PSMF1: variants seen among roughly 807,000 people sequenced by gnomAD.
PSMF1 encodes the protein proteasome inhibitor PI31 subunit.
PSMF1 carries 30 observed loss-of-function variants against 29.3 expected under a neutral mutation model. The ratio of observed to expected loss-of-function variants is 1.02; its 90% CI spans 0.77 to 1.39. The LOEUF is 1.39. Ranked by LOEUF, PSMF1 falls within the 40% of genes most tolerant of loss-of-function variation. The pLI, the probability that PSMF1 is intolerant of heterozygous loss-of-function variation, is 0.00. For missense variants in PSMF1, 344 were observed against 357.5 expected (o/e 0.96, Z 0.31); for synonymous variants, 134 against 139.7 (o/e 0.96, Z 0.29).
At chr20:1,143,383 G>C (rs1218290204) in intron 4 of PSMF1, among the ~76,000 whole-genome samples, 3 of 152,206 alleles carry the variant, frequency 2.0e-5, no homozygotes, top group Non-Finnish European at 2.9e-5. Context: ...CAAGTCAATG[G>C]AGGAAAGAAT....
chr20:1,158,647 C>G (rs1459997486), intron 4 of PSMF1, among the ~76,000 whole-genome samples: 1 of 152,212 alleles, frequency 6.6e-6, no homozygotes, highest in African/African-American at 2.4e-5. Context: ...CTTAAAGAGG[C>G]TGCTTTTGCA....
In PSMF1 at chr20:1,125,490, C is replaced by T; in HGVS notation, c.130-8C>T. 1.3e-6 allele frequency: 2 copies of T among 1,597,386 alleles called. No homozygotes were observed. Among genetic ancestry groups the T allele is most frequent in the South Asian group, 1.1e-5 (1 of 88,438 alleles). On this transcript the variant is annotated splice_region_variant and splice_polypyrimidine_tract_variant and intron_variant, in intron 1 of 6. Transcript: ENST00000335877. ...TGATCTTTCTCCTCTCAACTGTGGT[C>T]TTCCCAGCCGGGTCCCAATGATAAG...
Position 1,166,414 on chromosome 20 carries a change from T to C in PSMF1, c.*1334T>C, listed in dbSNP as rs1336430590. 6.2e-6 allele frequency: 5 copies of C among 812,848 alleles called. No homozygotes were observed. Among genetic ancestry groups the C allele is most frequent in the Middle Eastern group, 2.2e-4 (1 of 4,470 alleles). 50.4% of individuals were successfully genotyped at this position (812,848 alleles called of 1,614,324 possible). On this transcript the variant is annotated 3_prime_UTR_variant, in exon 7 of 7. Coordinates refer to ENST00000335877, the MANE Select transcript of PSMF1 (RefSeq NM_006814.5). ...ATTCCTTCCCCTAAATTAGGACCTATTATTTACCTGTAGGTAAGCAAGCTA... is the reference window on the plus strand; with the variant it reads ...ATTCCTTCCCCTAAATTAGGACCTACTATTTACCTGTAGGTAAGCAAGCTA...
chr20:1,122,987 C>T (rs1167219342), intron 1 of PSMF1, among the ~76,000 whole-genome samples: 1 of 152,164 alleles, frequency 6.6e-6, no homozygotes, highest in Non-Finnish European at 1.5e-5. Context: ...TTCCTGGCTT[C>T]CAAAGTAAAC....
intron 1 of PSMF1, among the ~76,000 whole-genome samples, chr20:1,119,488 T>C (rs536773581): frequency 6.6e-6 from 1 of 152,266 alleles, no homozygotes; most frequent in African/African-American, 2.4e-5. Context: ...CACTCGCTAC[T>C]GCCATCCCCA....
rs999516948 is a variant in PSMF1, at chr20:1,163,073, T to C, written c.552-57T>C. ...CTGTGAGTGTGTTTGTGATCCCACA[T>C]GTATCAGGTGCCTGGCTGCTCTGGG... On this transcript the variant is annotated intron_variant, in intron 4 of 6. Transcript: ENST00000335877. This position sits in a 1 kb window ranked among gnomAD's most constrained non-coding sequence, Gnocchi z 6.1. 7.6e-6 allele frequency: 12 copies of C among 1,582,314 alleles called. No individual in the cohort carries two copies. Among genetic ancestry groups the C allele is most frequent in the Admixed American group, 1.7e-5 (1 of 59,240 alleles).
At chr20:1,135,045 G>T in intron 3 of PSMF1, 76 bp from the exon 4 acceptor site, 1 of 1,507,000 alleles carries the variant, frequency 6.6e-7, no homozygotes, top group Non-Finnish European at 9.2e-7. Flanking sequence ...CGCCGCCGCC[G>T]TCGTTGCAGC....
intron 3 of PSMF1, among the ~76,000 whole-genome samples, chr20:1,132,063 G>C (rs534365073): frequency 6.6e-6 from 1 of 152,094 alleles, no homozygotes; most frequent in Non-Finnish European, 1.5e-5. Flanking sequence ...AAAATCAGTT[G>C]TCTGTACATC....
chr20:1,138,265 C>T (rs1281575876), intron 4 of PSMF1, among the ~76,000 whole-genome samples: 2 of 152,156 alleles, frequency 1.3e-5, no homozygotes, highest in Non-Finnish European at 2.9e-5. Flanking sequence ...AATCCAGCAA[C>T]ATATACAAAG....
At position 1,165,560 on chromosome 20, in the gene PSMF1, C is replaced by G. The variant is rs960824588; in HGVS notation, c.*480C>G. 2.0e-5 allele frequency: 20 copies of G among 995,612 alleles called. No individual in the cohort carries two copies. The South Asian group carries it at 5.8e-4, about 29-fold the overall frequency. 61.7% of individuals were successfully genotyped at this position (995,612 alleles called of 1,614,324 possible). A position where few individuals can be genotyped will look rare whatever the true frequency, so the allele number is the denominator to read the frequency against. On this transcript the variant is annotated 3_prime_UTR_variant, in exon 7 of 7. Coordinates refer to ENST00000335877, the MANE Select transcript of PSMF1 (RefSeq NM_006814.5). ...TGAGTTTCTGTAGGGCTGAATGACT[C>G]TTTTTCCTGCCCAGGGCCCATTCTT...
chr20:1,126,006 C>T, intron 2 of PSMF1: 1 of 463,054 alleles, frequency 2.2e-6, no homozygotes. Context: ...TTGCACTTTA[C>T]ATTTCCTATG....
At chr20:1,143,902 C>A (rs1247200910) in intron 4 of PSMF1, among the ~76,000 whole-genome samples, 1 of 152,040 alleles carries the variant, frequency 6.6e-6, no homozygotes, top group Non-Finnish European at 1.5e-5. Flanking sequence ...ATCAGCCTGG[C>A]CAACATGGTG....
chr20:1,151,793 T>C (rs2122570977), intron 4 of PSMF1, among the ~76,000 whole-genome samples: 1 of 152,342 alleles, frequency 6.6e-6, no homozygotes, highest in East Asian at 1.9e-4. Flanking sequence ...TGATGCCTGA[T>C]GAGCTAAATT....
intron 4 of PSMF1, among the ~76,000 whole-genome samples, chr20:1,142,482 CATT>C (rs2086396147): frequency 6.6e-6 from 1 of 150,900 alleles, no homozygotes; most frequent in African/African-American, 2.4e-5. Flanking sequence ...CAAGTGTTCT[CATT>C]GTTCAATTCC....
Position 1,164,948 on chromosome 20 carries a change from C to G in PSMF1, c.765-81C>G. 1 of 1,204,612 alleles carries G rather than the reference C, an allele frequency of 8.3e-7. No homozygotes were observed. Among genetic ancestry groups the G allele is most frequent in the Non-Finnish European group, 1.2e-6 (1 of 812,092 alleles). The allele number at this position is 1,204,612 out of a possible 1,614,324, so 74.6% of individuals were successfully genotyped here. On this transcript the variant is annotated intron_variant, in intron 6 of 6. Coordinates refer to ENST00000335877, the MANE Select transcript of PSMF1 (RefSeq NM_006814.5). The surrounding 1 kb of genome is among the most constrained non-coding windows in gnomAD (Gnocchi z 4.1). ...GCCACATCATGTTGAAGGGCAGGCT[C>G]CCTCAGTGCAGGGTCATGTCTGCCC...
At chr20:1,153,826 A>G (rs2086561535) in intron 4 of PSMF1, among the ~76,000 whole-genome samples, 1 of 152,210 alleles carries the variant, frequency 6.6e-6, no homozygotes, top group Non-Finnish European at 1.5e-5. Context: ...TCCTGAGCAC[A>G]ACTCCTTTCA....
chr20:1,113,792 A>T (rs1225231823), upstream of PSMF1, among the ~76,000 whole-genome samples: 1 of 151,988 alleles, frequency 6.6e-6, no homozygotes, highest in Non-Finnish European at 1.5e-5. Context: ...TCTCGGGTTC[A>T]CGCCATTCTC....
rs941462902 is a variant in PSMF1 at position 1,170,959 on chromosome 20, A to G, written c.*5879A>G. 6.6e-6 allele frequency among the ~76,000 whole-genome samples: 1 copy of G among 151,860 alleles called. No homozygotes were observed. Among genetic ancestry groups the G allele is most frequent in the Non-Finnish European group, 1.5e-5 (1 of 67,984 alleles). ...TGGCATTAGTTGAGATGCTGCACCT[A>G]CCCCCTGGGGTGGCAGAACCGTGAT... On this transcript the variant is annotated 3_prime_UTR_variant, in exon 7 of 7. Coordinates refer to ENST00000335877, the MANE Select transcript of PSMF1 (RefSeq NM_006814.5).
intron 1 of PSMF1, among the ~76,000 whole-genome samples, chr20:1,119,879 A>G (rs891900805): frequency 6.6e-6 from 1 of 151,670 alleles, no homozygotes; most frequent in African/African-American, 2.4e-5. Flanking sequence ...GAAACAGACC[A>G]CCCCACCTAT....
Sources: gnomAD v4.1 joint callset for allele counts (sites outside exome capture counted in the v4.1 genomes callset) on GRCh38, gnomAD v4.1.1 for gene constraint, Gnocchi (gnomAD v3.1) non-coding constraint, MANE v1.5 for transcripts, NCBI Gene and HGNC (gene_info 2026-07-23, HGNC 2026-07-21) for gene names.